Variants in ENPP6 observed in about 807,000 individuals in gnomAD.
ENPP6 encodes glycerophosphocholine cholinephosphodiesterase ENPP6.
Under a neutral mutation model 42.0 loss-of-function variants are expected in ENPP6, and 32 were observed. The ratio of observed to expected loss-of-function variants is 0.76; its 90% CI spans 0.58 to 1.02. ENPP6 has a LOEUF of 1.02. Ranked by LOEUF, ENPP6 falls within the 50% of genes least tolerant of loss-of-function variation. ENPP6 has a pLI of 0.00. For missense variants in ENPP6, 552 were observed against 566.8 expected (o/e 0.97, Z 0.27); for synonymous variants, 213 against 216.0 (o/e 0.99, Z 0.12).
chr4:184,159,303 C>T (rs904095797), intron 1 of ENPP6, among the ~76,000 whole-genome samples: 1 of 152,176 alleles, frequency 6.6e-6, no homozygotes, highest in African/African-American at 2.4e-5. Flanking sequence ...GGAGCATTAT[C>T]CAACAATAGT....
chr4:184,177,001 C>T (rs1351489020), intron 1 of ENPP6, among the ~76,000 whole-genome samples: 1 of 152,190 alleles, frequency 6.6e-6, no homozygotes, highest in Non-Finnish European at 1.5e-5. Context: ...TCTGTACAAC[C>T]TACAGGTCAG....
chr4:184,185,200 C>T (rs912704682), intron 1 of ENPP6, among the ~76,000 whole-genome samples: 2 of 152,220 alleles, frequency 1.3e-5, no homozygotes, highest in Non-Finnish European at 2.9e-5. Flanking sequence ...ACTACAGGGT[C>T]ATGGGTGGAG....
At chr4:184,202,252 C>T (rs1290963147) in intron 1 of ENPP6, among the ~76,000 whole-genome samples, 8 of 152,136 alleles carry the variant, frequency 5.3e-5, no homozygotes, top group Admixed American at 5.2e-4. Flanking sequence ...TAATGAGAGC[C>T]CCTTTACTCA....
At chr4:184,215,729 AT>A (rs1733185581) in intron 1 of ENPP6, among the ~76,000 whole-genome samples, 1 of 152,192 alleles carries the variant, frequency 6.6e-6, no homozygotes, top group South Asian at 2.1e-4. Context: ...CTTAACACAT[AT>A]GGAGACCTGT....
intron 6 of ENPP6, among the ~76,000 whole-genome samples, chr4:184,100,499 C>A (rs532177693): frequency 6.6e-6 from 1 of 152,210 alleles, no homozygotes; most frequent in Admixed American, 6.5e-5. Context: ...TCCGGGGAGG[C>A]GCCCCAGCCC....
At chr4:184,108,818 G>C (rs1231324413) in intron 6 of ENPP6, among the ~76,000 whole-genome samples, 1 of 152,242 alleles carries the variant, frequency 6.6e-6, no homozygotes, top group East Asian at 1.9e-4. Flanking sequence ...GGTGCTGTAA[G>C]TTATGTTAAT....
chr4:184,189,986 C>T (rs1732692147), intron 1 of ENPP6, among the ~76,000 whole-genome samples: 1 of 152,214 alleles, frequency 6.6e-6, no homozygotes, highest in African/African-American at 2.4e-5. Context: ...AAGGTAATCT[C>T]ATTTTGGCAG....
chr4:184,107,629 G>A (rs2111337592), intron 6 of ENPP6, among the ~76,000 whole-genome samples: 1 of 152,168 alleles, frequency 6.6e-6, no homozygotes, highest in East Asian at 1.9e-4. Flanking sequence ...AGAAAAATTA[G>A]TCAGGGCTAG....
intron 1 of ENPP6, among the ~76,000 whole-genome samples, chr4:184,215,025 T>G (rs1733175776): frequency 1.3e-5 from 2 of 152,294 alleles, no homozygotes; most frequent in South Asian, 4.1e-4. Context: ...CCCCATGCAT[T>G]GCCTAGTTCT....
At chr4:184,116,179 C>T (rs1055903509) in intron 5 of ENPP6, among the ~76,000 whole-genome samples, 3 of 152,122 alleles carry the variant, frequency 2.0e-5, no homozygotes, top group Admixed American at 1.3e-4. Context: ...GCCGAGATAG[C>T]GCCACTGCAC....
intron 7 of ENPP6, among the ~76,000 whole-genome samples, chr4:184,092,457 C>A (rs539607919): frequency 6.6e-6 from 1 of 152,144 alleles, no homozygotes; most frequent in African/African-American, 2.4e-5. Flanking sequence ...TCGAGAGTCA[C>A]GCAAGAACAC....
intron 6 of ENPP6, among the ~76,000 whole-genome samples, chr4:184,108,109 C>A (rs1187625061): frequency 6.6e-6 from 1 of 152,100 alleles, no homozygotes; most frequent in African/African-American, 2.4e-5. Flanking sequence ...GAAACCAAAT[C>A]TTCCATGTTT....
intron 6 of ENPP6, 120 bp downstream of exon 6, chr4:184,112,552 A>C (rs1736215213): frequency 7.9e-7 from 1 of 1,262,400 alleles, no homozygotes; most frequent in African/African-American, 1.5e-5. Flanking sequence ...ACATAACGCA[A>C]CAAACGATGC....
At chr4:184,203,992 GGGAGTTT>G (rs1732946741) in intron 1 of ENPP6, 1 of 152,228 alleles carries the variant, frequency 6.6e-6, no homozygotes, top group African/African-American at 2.4e-5. Flanking sequence ...TCTGGAGGCT[GGGAGTTT>G]GAGATCAAGA....
intron 7 of ENPP6, among the ~76,000 whole-genome samples, chr4:184,095,442 C>G (rs1735883896): frequency 6.6e-6 from 1 of 151,846 alleles, no homozygotes; most frequent in Non-Finnish European, 1.5e-5. Flanking sequence ...GGCAGATCAC[C>G]TGAGGTCAGG....
At chr4:184,201,737 A>AT (rs33958112) in intron 1 of ENPP6, among the ~76,000 whole-genome samples, 37,186 of 149,328 alleles carry the variant, frequency 0.25, 5,502 homozygotes, top group East Asian at 0.68. Flanking sequence ...CTTAGAACAC[A>AT]TTTTTTTTTT....
At position 184,107,691 on chromosome 4, in the gene ENPP6, G is replaced by A. The variant is rs528593191; in HGVS notation, c.993+4981C>T. On this transcript the variant is annotated intron_variant, in intron 6 of 7. Coordinates refer to ENST00000296741, the MANE Select transcript of ENPP6 (RefSeq NM_153343.4). ...AGCACTTTGGGAGGCTGAGGTGGGCGGATCACGAGGTCAGGAGATCGAGAA... is the reference window on the plus strand; with the variant it reads ...AGCACTTTGGGAGGCTGAGGTGGGCAGATCACGAGGTCAGGAGATCGAGAA... Among the ~76,000 whole-genome samples, 17 of 152,250 alleles carry A rather than the reference G, an allele frequency of 1.1e-4. No homozygotes were observed. The East Asian group carries it at 1.2e-3, about 10-fold the overall frequency.
At chr4:184,103,142 A>G (rs946549852) in intron 6 of ENPP6, among the ~76,000 whole-genome samples, 1 of 152,240 alleles carries the variant, frequency 6.6e-6, no homozygotes, top group African/African-American at 2.4e-5. Context: ...CTGCTTTCCA[A>G]CAGGCGGGAG....
chr4:184,123,630 C>A (rs142709052), intron 3 of ENPP6, among the ~76,000 whole-genome samples: 1 of 152,130 alleles, frequency 6.6e-6, no homozygotes, highest in Non-Finnish European at 1.5e-5. Context: ...TTGACAGACT[C>A]TTGTGTGCTA....
Sources: allele counts gnomAD v4.1 joint callset (sites outside exome capture counted in the v4.1 genomes callset), GRCh38; gene constraint gnomAD v4.1.1; transcripts MANE v1.5; gene names NCBI Gene and HGNC (gene_info 2026-07-23, HGNC 2026-07-21).